GBGT1: variants seen among roughly 807,000 people sequenced by gnomAD.
GBGT1 encodes globoside alpha-1,3-N-acetylgalactosaminyltransferase 1.
GBGT1 carries 18 observed loss-of-function variants against 20.9 expected under a neutral mutation model. The observed-to-expected ratio is 0.86, with a 90% CI of 0.60 to 1.28. The LOEUF (loss-of-function observed/expected upper bound fraction) is 1.28. Among genes scored for constraint, GBGT1 ranks in the 50% most tolerant of loss-of-function variants. The probability of loss-of-function intolerance (pLI) is 0.00; values close to 1 mark genes in which losing one functional copy is unlikely to be tolerated. For missense variants in GBGT1, 432 were observed against 455.7 expected, an observed-to-expected ratio of 0.95 and a Z score of 0.47; for synonymous variants, 168 against 180.8, an observed-to-expected ratio of 0.93 and a Z score of 0.57.
At chr9:133,161,955 A>T (rs1452023445) in intron 2 of GBGT1, among the ~76,000 whole-genome samples, 1 of 152,192 alleles carries the variant, frequency 6.6e-6, no homozygotes, top group Non-Finnish European at 1.5e-5. Context: ...AGGCCAGTAC[A>T]AGGCAGAATT....
chr9:133,162,561 G>T, intron 1 of GBGT1, 29 bp from the exon 2 acceptor site: 1 of 671,400 alleles, frequency 1.5e-6, no homozygotes, highest in Non-Finnish European at 2.7e-6. Context: ...GTTGTTTTGA[G>T]ATAGAGTTTC....
Position 133,162,498 on chromosome 9 carries a change from G to T in GBGT1, c.-86C>A. 8.9e-7 allele frequency: 1 copy of T among 1,128,860 alleles called. No individual in the cohort carries two copies. Among genetic ancestry groups the T allele is most frequent in the Non-Finnish European group, 1.3e-6 (1 of 761,046 alleles). The allele number at this position is 1,128,860 out of a possible 1,614,324, so 69.9% of individuals were successfully genotyped here. A position where few individuals can be genotyped will look rare whatever the true frequency, so the allele number is the denominator to read the frequency against. On this transcript the variant is annotated 5_prime_UTR_variant, in exon 2 of 7. It adds an upstream start codon to the 5' untranslated region. Transcript: ENST00000372040. The stretch of plus-strand genomic sequence containing the variant: ...AGGCTGTCCCCTCGCAGGGATGTCA[G>T]GCTCTGAGCCTGGTCTCTGAGGTCC...
chr9:133,162,472 G>A lies in GBGT1; in HGVS notation c.-60C>T, dbSNP rs374856582. On this transcript the variant is annotated 5_prime_UTR_variant, in exon 2 of 7. Coordinates refer to ENST00000372040, the MANE Select transcript of GBGT1 (RefSeq NM_021996.6). ...GAGACCCCCACTGGCCTGGGCGGAT[G>A]AGGCTGTCCCCTCGCAGGGATGTCA... is the stretch of plus-strand genomic sequence containing the variant. 524 of 1,404,806 alleles carry A rather than the reference G, an allele frequency of 3.7e-4. 2 individuals carry two copies. The African/African-American group carries it at 6.5e-3, about 17-fold the overall frequency. The allele number at this position is 1,404,806 out of a possible 1,614,324, so 87.0% of individuals were successfully genotyped here.
chr9:133,161,772 G>A (rs1833052597), intron 2 of GBGT1, among the ~76,000 whole-genome samples: 1 of 152,198 alleles, frequency 6.6e-6, no homozygotes, highest in African/African-American at 2.4e-5. Context: ...TTCCTAGGGA[G>A]TGTATATTCT....
At chr9:133,158,945 G>A (rs923438497) in intron 3 of GBGT1, among the ~76,000 whole-genome samples, 4 of 151,946 alleles carry the variant, frequency 2.6e-5, no homozygotes, top group Non-Finnish European at 5.9e-5. Flanking sequence ...GTCCTTTTGT[G>A]ATTAGTAGCT....
At chr9:133,155,740 C>A (rs1004180639) in intron 5 of GBGT1, among the ~76,000 whole-genome samples, 161 bp downstream of exon 5, 2 of 152,140 alleles carry the variant, frequency 1.3e-5, no homozygotes, top group African/African-American at 2.4e-5. Context: ...CAGGGTCACA[C>A]AGCCCAGGTC....
chr9:133,161,704 C>T (rs1833049953), intron 2 of GBGT1, among the ~76,000 whole-genome samples, 172 bp from the exon 3 acceptor site: 1 of 152,206 alleles, frequency 6.6e-6, no homozygotes, highest in Non-Finnish European at 1.5e-5. Flanking sequence ...TGCTGGTATT[C>T]CTGGCATGTG....
chr9:133,156,964 G>T (rs975844273), intron 3 of GBGT1, among the ~76,000 whole-genome samples: 1 of 152,126 alleles, frequency 6.6e-6, no homozygotes, highest in East Asian at 1.9e-4. Context: ...GGGTGGGACC[G>T]ATCCAATTGG....
At position 133,162,469 on chromosome 9, in the gene GBGT1, G is replaced by A; in HGVS notation, c.-57C>T. On this transcript the variant is annotated 5_prime_UTR_variant, in exon 2 of 7. Coordinates refer to ENST00000372040, the MANE Select transcript of GBGT1 (RefSeq NM_021996.6). ...GTAGAGACCCCCACTGGCCTGGGCG[G>A]ATGAGGCTGTCCCCTCGCAGGGATG... is the stretch of plus-strand genomic sequence containing the variant. 7.0e-7 allele frequency: 1 copy of A among 1,428,246 alleles called. No homozygotes were observed. Among genetic ancestry groups the A allele is most frequent in the Non-Finnish European group, 9.7e-7 (1 of 1,029,604 alleles). 88.5% of individuals were successfully genotyped at this position (1,428,246 alleles called of 1,614,324 possible). A position where few individuals can be genotyped will look rare whatever the true frequency, so the allele number is the denominator to read the frequency against.
intron 3 of GBGT1, among the ~76,000 whole-genome samples, chr9:133,157,026 G>C (rs1452379903): frequency 6.6e-6 from 1 of 152,240 alleles, no homozygotes; most frequent in African/African-American, 2.4e-5. Flanking sequence ...GCTCACACCT[G>C]TAGTCCCAGC....
chr9:133,161,296 C>T (rs1186978154), intron 3 of GBGT1, 171 bp downstream of exon 3: 2 of 541,746 alleles, frequency 3.7e-6, no homozygotes, highest in East Asian at 6.0e-5. Context: ...ATGGGAATTT[C>T]ACTTCACGCT....
At chr9:133,160,276 C>T (rs1564266831) in intron 3 of GBGT1, 1 of 69,722 alleles carries the variant, frequency 1.4e-5, no homozygotes, top group Non-Finnish European at 2.7e-5. Flanking sequence ...GAGACTCTGT[C>T]TCAATATAAT....
chr9:133,158,978 A>G (rs1363404655), intron 3 of GBGT1, among the ~76,000 whole-genome samples: 1 of 151,206 alleles, frequency 6.6e-6, no homozygotes, highest in Non-Finnish European at 1.5e-5. Flanking sequence ...CTTTTTTTAG[A>G]TGGAGTCTCA....
At chr9:133,161,812 G>A (rs758561111) in intron 2 of GBGT1, among the ~76,000 whole-genome samples, 3 of 152,212 alleles carry the variant, frequency 2.0e-5, no homozygotes, top group African/African-American at 4.8e-5. Context: ...CAAACAGCAG[G>A]GTGAGGGGCA....
intron 4 of GBGT1, 37 bp downstream of exon 4, chr9:133,155,978 C>A: frequency 6.2e-7 from 1 of 1,613,556 alleles, no homozygotes; most frequent in Non-Finnish European, 8.5e-7. Flanking sequence ...AGCCACCACC[C>A]TCACGGCCAC....
chr9:133,153,932 C>A lies in GBGT1; in HGVS notation c.689G>T (p.Ser230Ile), dbSNP rs774591663. Residue 230 changes from serine to isoleucine, a missense_variant, in exon 7 of 7, where the codon AGC (serine) becomes ATC (isoleucine). Physicochemically the swap from Ser to Ile is moderately radical, Grantham distance 142. Transcript: ENST00000372040. ...CTGCTGGCGGGGAACGGCGTAGTAG[C>A]TTGGGTGAATGGCAGCCACCAGGTC... ...LGDLVAAIHP[S>I]YYAVPRQQFP... is the part of the protein sequence containing the mutation. The A allele has an allele frequency of 1.2e-6, 2 of 1,610,292 alleles. No homozygotes were observed. The highest frequency in any genetic ancestry group is 2.2e-5 in the South Asian group (2 of 91,020).
At position 133,154,329 on chromosome 9, in the gene GBGT1, G is replaced by A; in HGVS notation, c.360-68C>T. On this transcript the variant is annotated intron_variant, in intron 6 of 6. Coordinates refer to ENST00000372040, the MANE Select transcript of GBGT1 (RefSeq NM_021996.6). This position sits in a 1 kb window ranked among gnomAD's most constrained non-coding sequence, Gnocchi z 4.2. ...TGCCAGGGTCCCCACTGTGTGCTGG[G>A]GTCAGCCAGGCTGGGGTCCACTTAC... 1.0e-6 allele frequency: 1 copy of A among 993,266 alleles called. No individual in the cohort carries two copies. 61.5% of individuals were successfully genotyped at this position (993,266 alleles called of 1,614,324 possible). A position where few individuals can be genotyped will look rare whatever the true frequency, so the allele number is the denominator to read the frequency against.
rs1054407832 is a variant in GBGT1, at chr9:133,153,396, A to G, written c.*181T>C. ...ACTGTTCCCATGCCGCGTTACTGTG[A>G]GATCCTGTGTGCTACTGTGTGCACA... On this transcript the variant is annotated 3_prime_UTR_variant, in exon 7 of 7. Transcript: ENST00000372040. 4.5e-5 allele frequency: 19 copies of G among 418,408 alleles called. No individual in the cohort carries two copies. Among genetic ancestry groups the G allele is most frequent in the Non-Finnish European group, 4.2e-6 (1 of 238,090 alleles). 25.9% of individuals were successfully genotyped at this position (418,408 alleles called of 1,614,324 possible). A position where few individuals can be genotyped will look rare whatever the true frequency, so the allele number is the denominator to read the frequency against.
chr9:133,161,012 GAAA>G (rs10537325), intron 3 of GBGT1: 61 of 338,708 alleles, frequency 1.8e-4, no homozygotes, highest in Non-Finnish European at 2.4e-4. Flanking sequence ...TCTGACTCAA[GAAA>G]AAAAAAAAAA....
Sources: gnomAD v4.1 joint callset for allele counts (sites outside exome capture counted in the v4.1 genomes callset) on GRCh38, gnomAD v4.1.1 for gene constraint, Gnocchi (gnomAD v3.1) non-coding constraint, MANE v1.5 for transcripts, NCBI Gene and HGNC (gene_info 2026-07-23, HGNC 2026-07-21) for gene names.